Variants in FRG1 observed in about 807,000 individuals in gnomAD.
FRG1 encodes the protein FSHD region gene 1.
A neutral mutation model predicts 37.0 loss-of-function variants in FRG1; 19 were observed. That is an observed-to-expected ratio of 0.51 (90% CI 0.36 to 0.75). The LOEUF (loss-of-function observed/expected upper bound fraction) is 0.75. Among genes scored for constraint, FRG1 ranks in the 30% least tolerant of loss-of-function variants. The pLI is 0.00. For synonymous variants in FRG1, 73 were observed against 96.5 expected, an observed-to-expected ratio of 0.76 and a Z score of 1.43; for missense variants, 243 against 301.4, an observed-to-expected ratio of 0.81 and a Z score of 1.44.
At position 189,946,898 on chromosome 4, in the gene FRG1, G is replaced by C. The variant is rs1449359170; in HGVS notation, c.133+3626G>C. 3.3e-5 allele frequency among the ~76,000 whole-genome samples: 5 copies of C among 152,126 alleles called. No individual in the cohort carries two copies. The East Asian group carries it at 9.6e-4, about 29-fold the overall frequency. On this transcript the variant is annotated intron_variant, in intron 2 of 8. Transcript: ENST00000226798. ...ATGGAGTCTCGCTGTTGCCCAACAG[G>C]CTGGAGTGCAGTGGTGCAATCTCGG... is the stretch of plus-strand genomic sequence containing the variant.
Position 189,961,903 on chromosome 4 carries a change from T to C in FRG1, c.711T>C (p.Asp237=). The change falls in exon 8 of 9, where the codon GAT becomes GAC. Residue 237 remains aspartate, a synonymous_variant. Coordinates refer to ENST00000226798, the MANE Select transcript of FRG1 (RefSeq NM_004477.3). The part of the protein sequence containing the change: ...DSKILKKARK[D]GFLHETLLDR... Reference sequence around the variant, plus strand: ...AAATTCTTAAAAAGGCTCGGAAAGATGGATTTTTGCATGAGACGCTTCTGG... The same window carrying C: ...AAATTCTTAAAAAGGCTCGGAAAGACGGATTTTTGCATGAGACGCTTCTGG... 2 of 1,594,866 alleles carry C rather than the reference T, an allele frequency of 1.3e-6. No homozygotes were observed. The highest frequency in any genetic ancestry group is 4.5e-5 in the East Asian group (2 of 44,298).
intron 2 of FRG1, 56 bp downstream of exon 2, chr4:189,943,328 C>T: frequency 6.4e-7 from 1 of 1,557,904 alleles, no homozygotes; most frequent in Non-Finnish European, 8.6e-7. Context: ...TTGAGATCTC[C>T]TTGAAAGTGT....
chr4:189,961,761 A>C (rs1737246029), intron 7 of FRG1, 61 bp from the exon 8 acceptor site: 24 of 718,172 alleles, frequency 3.3e-5, no homozygotes, highest in Non-Finnish European at 2.9e-5. Flanking sequence ...TTATAAATTT[A>C]ATAGTAAATA....
At chr4:189,946,721 T>C (rs571975882) in intron 2 of FRG1, among the ~76,000 whole-genome samples, 1 of 152,344 alleles carries the variant, frequency 6.6e-6, no homozygotes, top group East Asian at 1.9e-4. Context: ...CATAGAGATA[T>C]TATAGGTATG....
At chr4:189,951,032 C>CA (rs1299229824) in intron 2 of FRG1, among the ~76,000 whole-genome samples, 1 of 151,998 alleles carries the variant, frequency 6.6e-6, no homozygotes, top group Admixed American at 6.5e-5. Context: ...AGCTAAAGTA[C>CA]AATTTAGGAG....
At chr4:189,949,526 A>G (rs1320727497) in intron 2 of FRG1, among the ~76,000 whole-genome samples, 1 of 152,210 alleles carries the variant, frequency 6.6e-6, no homozygotes, top group African/African-American at 2.4e-5. Flanking sequence ...GAAAATTTTA[A>G]GGAGCTTGTC....
intron 7 of FRG1, 135 bp from the exon 8 acceptor site, chr4:189,961,687 C>T (rs878866930): frequency 7.7e-6 from 4 of 522,556 alleles, no homozygotes; most frequent in African/African-American, 2.0e-5. Flanking sequence ...GGATTGCAGG[C>T]ATGAGCCACT....
chr4:189,962,042 T>G, intron 8 of FRG1, 110 bp downstream of exon 8: 1 of 684,786 alleles, frequency 1.5e-6, no homozygotes, highest in Non-Finnish European at 2.6e-6. Context: ...TTGTCTTTAT[T>G]TCTAATTTAT....
chr4:189,948,660 T>C (rs1168127099), intron 2 of FRG1, among the ~76,000 whole-genome samples: 2 of 152,146 alleles, frequency 1.3e-5, no homozygotes, highest in South Asian at 2.1e-4. Context: ...TACTATCTTA[T>C]CAGCCATGAC....
At chr4:189,960,934 G>A in intron 7 of FRG1, 95 bp downstream of exon 7, 1 of 1,410,120 alleles carries the variant, frequency 7.1e-7, no homozygotes, top group South Asian at 1.4e-5. Flanking sequence ...TGGGCATGGT[G>A]GTACATGCCT....
At chr4:189,954,830 A>G (rs536640947) in intron 4 of FRG1, among the ~76,000 whole-genome samples, 72 of 152,070 alleles carry the variant, frequency 4.7e-4, no homozygotes, top group Non-Finnish European at 9.7e-4. Flanking sequence ...TTCTTGCCTC[A>G]AGCAATTCTC....
intron 4 of FRG1, among the ~76,000 whole-genome samples, chr4:189,953,470 A>AG (rs1029635299): frequency 1.3e-5 from 2 of 152,166 alleles, no homozygotes; most frequent in Non-Finnish European, 2.9e-5. Context: ...GACTAAAAAA[A>AG]GGAATATTGT....
chr4:189,958,658 T>G (rs1176252504), intron 6 of FRG1, among the ~76,000 whole-genome samples: 2 of 152,254 alleles, frequency 1.3e-5, no homozygotes, highest in Admixed American at 1.3e-4. Flanking sequence ...ACTCTTTGTT[T>G]TACATCATTG....
intron 4 of FRG1, 121 bp from the exon 5 acceptor site, chr4:189,954,916 A>G (rs1377665053): frequency 1.6e-6 from 1 of 616,042 alleles, no homozygotes; most frequent in African/African-American, 1.8e-5. Flanking sequence ...AAGACTTGGA[A>G]TATGTGCAGT....
intron 7 of FRG1, chr4:189,961,409 CT>C (rs35503121): frequency 1.0e-4 from 15 of 149,406 alleles, no homozygotes; most frequent in South Asian, 4.2e-4. Flanking sequence ...ACAATTAGAC[CT>C]TTTTTTTTCT....
chr4:189,947,752 G>A (rs77572916), intron 2 of FRG1, among the ~76,000 whole-genome samples: 1 of 152,274 alleles, frequency 6.6e-6, no homozygotes, highest in East Asian at 1.9e-4. Context: ...CTCTTTTGAG[G>A]CCTCACCTGT....
chr4:189,950,889 G>T (rs1414940654), intron 2 of FRG1, among the ~76,000 whole-genome samples: 10 of 152,134 alleles, frequency 6.6e-5, no homozygotes, highest in African/African-American at 2.4e-4. Context: ...TCTTAACGTG[G>T]TATGTCTTTC....
chr4:189,952,010 C>G lies in FRG1; in HGVS notation c.134-152C>G, dbSNP rs999849777. ...GTATGATACTTATGCAAGATTTAAT[C>G]GAGACAAAGTGAGTAAAGAATATGT... On this transcript the variant is annotated intron_variant, in intron 2 of 8. Coordinates refer to ENST00000226798, the MANE Select transcript of FRG1 (RefSeq NM_004477.3). 10 of 542,528 alleles carry G rather than the reference C, an allele frequency of 1.8e-5. No individual in the cohort carries two copies. The African/African-American group carries it at 1.9e-4, about 10-fold the overall frequency. 33.6% of individuals were successfully genotyped at this position (542,528 alleles called of 1,614,324 possible).
intron 2 of FRG1, among the ~76,000 whole-genome samples, chr4:189,950,385 T>C (rs1207445039): frequency 6.6e-6 from 1 of 152,224 alleles, no homozygotes; most frequent in Non-Finnish European, 1.5e-5. Flanking sequence ...AAGTCCAGTT[T>C]GTCCACGTTT....
Sources: gnomAD v4.1 joint callset for allele counts (sites outside exome capture counted in the v4.1 genomes callset) on GRCh38, gnomAD v4.1.1 for gene constraint, MANE v1.5 for transcripts, NCBI Gene and HGNC (gene_info 2026-07-23, HGNC 2026-07-21) for gene names.